Variants in NRXN1 observed in about 807,000 individuals in gnomAD.
NRXN1 encodes neurexin 1, also known as neurexin-1.
In NRXN1, 39 loss-of-function variants were observed where a neutral mutation model predicts 150.9. The ratio of observed to expected loss-of-function variants is 0.26; its 90% CI spans 0.20 to 0.34. The LOEUF (loss-of-function observed/expected upper bound fraction) is 0.34, where lower values mean the gene tolerates loss of function less well. Ranked by LOEUF, NRXN1 falls within the 10% of genes least tolerant of loss-of-function variation. The probability of loss-of-function intolerance (pLI) is 1.00; values close to 1 mark genes in which losing one functional copy is unlikely to be tolerated. For synonymous variants in NRXN1, 924 were observed against 757.0 expected (o/e 1.22, Z -3.62); for missense variants, 1,815 against 1,949.9 (o/e 0.93, Z 1.30).
At chr2:49,925,127 A>G (rs192360954) in intron 22 of NRXN1, among the ~76,000 whole-genome samples, 96 of 152,052 alleles carry the variant, frequency 6.3e-4, no homozygotes, top group Middle Eastern at 3.4e-3. Context: ...CTGAAATACA[A>G]AAATTAGCTG....
Position 50,346,656 on chromosome 2 carries a change from G to A in NRXN1, c.3365-109686C>T, listed in dbSNP as rs951031044. 7 of 1,608,644 alleles carry A rather than the reference G, an allele frequency of 4.4e-6. No homozygotes were observed. The highest frequency in any genetic ancestry group is 1.7e-6 in the Non-Finnish European group (2 of 1,175,808). The stretch of plus-strand genomic sequence containing the variant: ...GCAGGGTAGAAAGAGGGGAGCGAGG[G>A]GATAACCCGCGAGAACTTGGCATCG... On this transcript the variant is annotated intron_variant, in intron 17 of 22. Coordinates refer to ENST00000401669, the MANE Select transcript of NRXN1 (RefSeq NM_001330078.2). The surrounding 1 kb of genome is among the most constrained non-coding windows in gnomAD (Gnocchi z 5.0).
chr2:50,443,139 T>G (rs1572989644), intron 17 of NRXN1, among the ~76,000 whole-genome samples: 1 of 152,076 alleles, frequency 6.6e-6, no homozygotes, highest in African/African-American at 2.4e-5. Flanking sequence ...TGTTTAAGGT[T>G]AGGTCAAGAG....
chr2:50,646,787 A>T (rs1410239558), intron 5 of NRXN1, among the ~76,000 whole-genome samples: 1 of 135,212 alleles, frequency 7.4e-6, no homozygotes, highest in Non-Finnish European at 1.5e-5. Context: ...TTCCACCATG[A>T]TTCTCTGTTT....
chr2:50,041,071 C>T (rs1690870693), intron 21 of NRXN1, among the ~76,000 whole-genome samples: 1 of 152,120 alleles, frequency 6.6e-6, no homozygotes. Flanking sequence ...GACAAACCCA[C>T]AGCCAATATT....
At chr2:50,902,974 G>T (rs1450336607) in intron 5 of NRXN1, among the ~76,000 whole-genome samples, 2 of 152,064 alleles carry the variant, frequency 1.3e-5, no homozygotes, top group Non-Finnish European at 2.9e-5. Flanking sequence ...TTAGAAAACT[G>T]CTTTTACAAA....
chr2:50,348,735 C>G (rs987569605), intron 17 of NRXN1, among the ~76,000 whole-genome samples: 3 of 152,082 alleles, frequency 2.0e-5, no homozygotes, highest in Non-Finnish European at 2.9e-5. Flanking sequence ...CTAGGAGGAC[C>G]ACAGGCACTG....
intron 17 of NRXN1, among the ~76,000 whole-genome samples, chr2:50,267,894 A>T (rs1358172031): frequency 6.6e-6 from 1 of 152,028 alleles, no homozygotes; most frequent in Non-Finnish European, 1.5e-5. Flanking sequence ...AAAAAAAAAA[A>T]TCTGTGAATT....
At chr2:50,093,583 C>T (rs917525944) in intron 18 of NRXN1, among the ~76,000 whole-genome samples, 6 of 152,052 alleles carry the variant, frequency 3.9e-5, no homozygotes, top group African/African-American at 1.2e-4. Flanking sequence ...TGCAGTGAGC[C>T]ATGACTGTGC....
intron 17 of NRXN1, among the ~76,000 whole-genome samples, chr2:50,238,306 C>T (rs532349006): frequency 6.6e-6 from 1 of 152,080 alleles, no homozygotes; most frequent in African/African-American, 2.4e-5. Context: ...TTGTTGTTTT[C>T]CTGCCTTTGC....
chr2:50,066,078 C>T (rs1320235059), intron 19 of NRXN1, among the ~76,000 whole-genome samples: 2 of 152,192 alleles, frequency 1.3e-5, no homozygotes, highest in Non-Finnish European at 2.9e-5. Context: ...ACACATATCT[C>T]ATGTTCCAAA....
At chr2:50,919,373 T>TA (rs1333989411) in intron 5 of NRXN1, 6 of 151,920 alleles carry the variant, frequency 3.9e-5, no homozygotes, top group African/African-American at 1.4e-4. Flanking sequence ...TTACATGTGT[T>TA]AATTATTTTT....
chr2:50,624,530 T>C (rs1680645591), intron 5 of NRXN1, among the ~76,000 whole-genome samples: 1 of 152,004 alleles, frequency 6.6e-6, no homozygotes, highest in African/African-American at 2.4e-5. Context: ...TGAGAGACCA[T>C]AGAAAATTAT....
intron 17 of NRXN1, among the ~76,000 whole-genome samples, chr2:50,302,717 C>T (rs189445921): frequency 2.0e-5 from 3 of 152,108 alleles, no homozygotes; most frequent in African/African-American, 7.2e-5. Flanking sequence ...CTGAAAACAT[C>T]TTTCATTACG....
At chr2:50,460,424 T>C (rs1475990319) in intron 17 of NRXN1, among the ~76,000 whole-genome samples, 1 of 152,084 alleles carries the variant, frequency 6.6e-6, no homozygotes, top group Non-Finnish European at 1.5e-5. Context: ...GGGACTAACA[T>C]AGATAATTCA....
At chr2:50,288,720 G>A (rs1174465627) in intron 17 of NRXN1, among the ~76,000 whole-genome samples, 1 of 152,014 alleles carries the variant, frequency 6.6e-6, no homozygotes, top group African/African-American at 2.4e-5. Context: ...TAAAAATCAC[G>A]GGAAGGACAT....
At chr2:50,485,731 C>T (rs1241244151) in intron 15 of NRXN1, among the ~76,000 whole-genome samples, 1 of 152,210 alleles carries the variant, frequency 6.6e-6, no homozygotes, top group Non-Finnish European at 1.5e-5. Context: ...GCAGAAGCAT[C>T]CCCCTACACA....
intron 21 of NRXN1, chr2:50,022,701 T>TA (rs994173332): frequency 6.6e-6 from 1 of 152,208 alleles, no homozygotes; most frequent in African/African-American, 2.4e-5. Flanking sequence ...CAAGTTTGTA[T>TA]AAAAAAATCA....
At chr2:50,637,871 T>A (rs1014438296) in intron 5 of NRXN1, among the ~76,000 whole-genome samples, 1 of 150,590 alleles carries the variant, frequency 6.6e-6, no homozygotes, top group Non-Finnish European at 1.5e-5. Context: ...TTAGATCTAG[T>A]ATTTAAAAAA....
At chr2:50,828,790 G>A (rs994791293) in intron 5 of NRXN1, among the ~76,000 whole-genome samples, 61 of 151,992 alleles carry the variant, frequency 4.0e-4, no homozygotes, top group Admixed American at 1.2e-3. Flanking sequence ...GACGATAGGC[G>A]GCCAGGCAGA....
Sources: allele counts gnomAD v4.1 joint callset (sites outside exome capture counted in the v4.1 genomes callset), GRCh38; gene constraint gnomAD v4.1.1; non-coding constraint Gnocchi (gnomAD v3.1); transcripts MANE v1.5; gene names NCBI Gene and HGNC (gene_info 2026-07-23, HGNC 2026-07-21).